The following KIF1C variants were observed in gnomAD, a reference collection of about 807,000 sequenced individuals.
The protein encoded by KIF1C is kinesin family member 1C, also known as kinesin-like protein KIF1C.
Under a neutral mutation model 126.5 loss-of-function variants are expected in KIF1C, and 61 were observed. The observed-to-expected ratio is 0.48, with a 90% CI of 0.39 to 0.60. KIF1C has a LOEUF of 0.60. KIF1C is among the 20% of genes least tolerant of loss of function. The probability of loss-of-function intolerance (pLI) is 0.00; values close to 1 mark genes in which losing one functional copy is unlikely to be tolerated. For synonymous variants in KIF1C, 640 were observed against 580.6 expected (o/e 1.10, Z -1.47); for missense variants, 1,315 against 1,489.2 (o/e 0.88, Z 1.93).
At position 5,020,226 on chromosome 17, in the gene KIF1C, A is replaced by ACTT; in HGVS notation, c.1750+147_1750+148insCTT. Reference sequence around the variant, plus strand: ...ATATAAAGAAGGAACTGGGAAGTGAAGGTCAAGGAGTCAGGTCTTGGTTTC... The same window carrying ACTT: ...ATATAAAGAAGGAACTGGGAAGTGAACTTGGTCAAGGAGTCAGGTCTTGGTTTC... On this transcript the variant is annotated intron_variant, in intron 19 of 22. Coordinates refer to ENST00000320785, the MANE Select transcript of KIF1C (RefSeq NM_006612.6). This position sits in a 1 kb window ranked among gnomAD's most constrained non-coding sequence, Gnocchi z 5.8. 1 of 722,764 alleles carries ACTT rather than the reference A, an allele frequency of 1.4e-6. No individual in the cohort carries two copies. The highest frequency in any genetic ancestry group is 2.4e-6 in the Non-Finnish European group (1 of 413,722). 44.8% of individuals were successfully genotyped at this position (722,764 alleles called of 1,614,324 possible). A position where few individuals can be genotyped will look rare whatever the true frequency, so the allele number is the denominator to read the frequency against.
In KIF1C at chr17:5,022,265, C is replaced by T; in HGVS notation, c.2184C>T (p.Ile728=). 6.2e-7 allele frequency: 1 copy of T among 1,614,102 alleles called. No individual in the cohort carries two copies. The highest frequency in any genetic ancestry group is 8.5e-7 in the Non-Finnish European group (1 of 1,180,022). The change falls in exon 22 of 23, where the codon ATC becomes ATT. Residue 728 remains isoleucine (I), a synonymous_variant. Transcript: ENST00000320785. This position sits in a 1 kb window ranked among gnomAD's most constrained non-coding sequence, Gnocchi z 4.9. ...KRRAPRRVYQ[I]PQRRRLQGKD... is the part of the protein sequence containing the mutation. ...GGGCCCCTCGCAGGGTTTATCAGAT[C>T]CCCCAGCGACGCAGGCTGCAGGGCA... is the stretch of plus-strand genomic sequence containing the variant.
chr17:5,021,285 G>C lies in KIF1C; in HGVS notation c.2010+407G>C, dbSNP rs545476641. Reference sequence around the variant, plus strand: ...CCTCCTGGGTTCAAGCGATTCTCATGCCTCAGCCTCCCCAGTAGCTGGGAT... The same window carrying C: ...CCTCCTGGGTTCAAGCGATTCTCATCCCTCAGCCTCCCCAGTAGCTGGGAT... On this transcript the variant is annotated intron_variant, in intron 21 of 22. Transcript: ENST00000320785. Among the ~76,000 whole-genome samples the C allele has an allele frequency of 1.5e-3, 220 of 142,790 alleles. 1 individual carries two copies. The highest frequency in any genetic ancestry group is 5.4e-3 in the African/African-American group (209 of 38,624). The allele number at this position is 142,790 out of a possible 152,430, so 93.7% of individuals were successfully genotyped here. A position where few individuals can be genotyped will look rare whatever the true frequency, so the allele number is the denominator to read the frequency against.
At position 5,002,539 on chromosome 17, in the gene KIF1C, C is replaced by T. The variant is rs587777198; in HGVS notation, c.505C>T (p.Arg169Trp). ...CAAGAGTCGGGGTTCTCTGCGGGTC[C>T]GGGAGCACCCCATCCTGGGCCCGTA... ...NPKSRGSLRV[R>W]EHPILGPYVQ... The change falls in exon 7 of 23, where the codon CGG (arginine) becomes TGG (tryptophan). Residue 169 changes from arginine (R) to tryptophan (W), a missense_variant. Around this residue, in one of 2 missense-constraint regions of KIF1C, gnomAD observed 874 missense variants for 1,053.2 expected, o/e 0.83. Transcript: ENST00000320785. 3.7e-6 allele frequency: 6 copies of T among 1,613,882 alleles called. No homozygotes were observed. Among genetic ancestry groups the T allele is most frequent in the South Asian group, 1.1e-5 (1 of 91,084 alleles).
At chr17:5,007,399 G>C in intron 15 of KIF1C, 57 bp downstream of exon 15, 1 of 1,609,910 alleles carries the variant, frequency 6.2e-7, no homozygotes, top group Non-Finnish European at 8.5e-7. Context: ...GGGGAGGTCA[G>C]GCCCCACAGG....
intron 16 of KIF1C, among the ~76,000 whole-genome samples, chr17:5,010,391 T>C (rs1974835261): frequency 6.6e-6 from 1 of 152,198 alleles, no homozygotes. Context: ...GTCTTACAAA[T>C]GGGTGTTATC....
chr17:5,006,818 A>G lies in KIF1C; in HGVS notation c.1166-97A>G, dbSNP rs1364064108. 5 of 1,283,414 alleles carry G rather than the reference A, an allele frequency of 3.9e-6. No homozygotes were observed. In the African/African-American group the frequency reaches 4.5e-5, roughly 12 times the overall value. 79.5% of individuals were successfully genotyped at this position (1,283,414 alleles called of 1,614,324 possible). ...TGACCAGCAGTCTTCTGTAGTCCTT[A>G]CAGACTGGTCCTCTGTGAAGCTCTT... On this transcript the variant is annotated intron_variant, in intron 13 of 22. Coordinates refer to ENST00000320785, the MANE Select transcript of KIF1C (RefSeq NM_006612.6).
At position 5,001,214 on chromosome 17, in the gene KIF1C, T is replaced by C. The variant is rs192384276; in HGVS notation, c.184-8T>C. The C allele has an allele frequency of 1.5e-4, 246 of 1,613,428 alleles. 1 individual carries two copies. The East Asian group carries it at 5.2e-3, about 34-fold the overall frequency. ...ACTCTGTTTTTCTCTGCCCCCACTTTCTCCTAGACGGAGGACCCCCAGTTT... is the reference window on the plus strand; with the variant it reads ...ACTCTGTTTTTCTCTGCCCCCACTTCCTCCTAGACGGAGGACCCCCAGTTT... On this transcript the variant is annotated splice_polypyrimidine_tract_variant and splice_region_variant and intron_variant, in intron 4 of 22. Transcript: ENST00000320785.
At chr17:5,001,154 G>A in intron 4 of KIF1C, 68 bp from the exon 5 acceptor site, 1 of 1,503,152 alleles carries the variant, frequency 6.7e-7, no homozygotes, top group Non-Finnish European at 9.2e-7. Context: ...AAGACTCTTG[G>A]GACAGAGACA....
rs1597866696 is a variant in KIF1C, at chr17:5,024,303, G to C, written c.*152G>C. ...GGTGATAGAAGACAAGGGGGAGACC[G>C]AGCCGGAGGCTGAGGAAAGGAAGAG... On this transcript the variant is annotated 3_prime_UTR_variant, in exon 23 of 23. Coordinates refer to ENST00000320785, the MANE Select transcript of KIF1C (RefSeq NM_006612.6). 1 of 574,768 alleles carries C rather than the reference G, an allele frequency of 1.7e-6. No homozygotes were observed. Among genetic ancestry groups the C allele is most frequent in the East Asian group, 3.2e-5 (1 of 30,808 alleles). The allele number at this position is 574,768 out of a possible 1,614,324, so 35.6% of individuals were successfully genotyped here.
At chr17:5,016,892 T>C (rs993291531) in intron 18 of KIF1C, among the ~76,000 whole-genome samples, 2 of 140,514 alleles carry the variant, frequency 1.4e-5, no homozygotes, top group African/African-American at 5.4e-5. Context: ...GGTGACAGAG[T>C]GAGACTGTTT....
intron 3 of KIF1C, 144 bp from the exon 4 acceptor site, chr17:5,000,628 G>C: frequency 2.5e-6 from 2 of 796,348 alleles, no homozygotes; most frequent in Non-Finnish European, 2.1e-6. Flanking sequence ...GGCTGGAGGG[G>C]GTGGGGAATG....
intron 5 of KIF1C, 149 bp from the exon 6 acceptor site, chr17:5,001,910 T>A: frequency 1.4e-6 from 1 of 690,970 alleles, no homozygotes; most frequent in Non-Finnish European, 2.5e-6. Flanking sequence ...TGAGGTTGTT[T>A]TCCCATCTGT....
At position 5,003,618 on chromosome 17, in the gene KIF1C, A is replaced by G. The variant is rs917561706; in HGVS notation, c.727A>G (p.Lys243Glu). ...CTGTTTCCTCTGACCCCAGGTCAGT[A>G]AGATCAGTTTGGTGGACCTTGCTGG... ...LTGLDSEKVS[K>E]ISLVDLAGSE... is the part of the protein sequence containing the mutation. Residue 243 changes from lysine (K) to glutamate (E), a missense_variant, in exon 9 of 23, where the codon AAG (lysine) becomes GAG (glutamate). By Grantham distance (56) the Lys-to-Glu change is moderately conservative. This residue lies in a region of KIF1C where 874 missense variants were observed against 1,053.2 expected (regional missense o/e 0.83). Transcript: ENST00000320785. 5 of 1,612,116 alleles carry G rather than the reference A, an allele frequency of 3.1e-6. No individual in the cohort carries two copies. In the African/African-American group the frequency reaches 6.7e-5, roughly 22 times the overall value.
chr17:5,021,283 A>C (rs1028664994), intron 21 of KIF1C, among the ~76,000 whole-genome samples: 2 of 142,102 alleles, frequency 1.4e-5, no homozygotes, highest in African/African-American at 5.3e-5. Flanking sequence ...AGCGATTCTC[A>C]TGCCTCAGCC....
chr17:5,010,615 C>T (rs1041702951), intron 16 of KIF1C, among the ~76,000 whole-genome samples: 16 of 150,518 alleles, frequency 1.1e-4, no homozygotes, highest in South Asian at 4.3e-4. Context: ...GGCGTGGTGG[C>T]GGGCACCTGT....
intron 18 of KIF1C, among the ~76,000 whole-genome samples, chr17:5,017,592 C>T (rs1393452520): frequency 2.6e-5 from 4 of 152,132 alleles, no homozygotes; most frequent in East Asian, 1.9e-4. Context: ...GCGTGAGCCA[C>T]GCGCCCAGCC....
Position 5,025,289 on chromosome 17 carries a change from CT to C in KIF1C, c.*1139del, listed in dbSNP as rs1192903810. 1 of 152,318 alleles carries C rather than the reference CT, an allele frequency of 6.6e-6. No individual in the cohort carries two copies. The highest frequency in any genetic ancestry group is 1.5e-5 in the Non-Finnish European group (1 of 68,126). The allele number at this position is 152,318 out of a possible 1,614,324, so 9.4% of individuals were successfully genotyped here. On this transcript the variant is annotated 3_prime_UTR_variant, in exon 23 of 23. Coordinates refer to ENST00000320785, the MANE Select transcript of KIF1C (RefSeq NM_006612.6). The stretch of plus-strand genomic sequence containing the variant: ...GAGGGGAGGTAGAGGGACCGCCAGC[CT>C]GTCAATGCTTAACTGGCTGTTGCTG...
rs765582742 is a variant in KIF1C at position 5,023,686 on chromosome 17, G to T, written c.2847G>T (p.Leu949=). 2.7e-5 allele frequency: 43 copies of T among 1,597,920 alleles called. No individual in the cohort carries two copies. The Admixed American group carries it at 7.3e-4, about 27-fold the overall frequency. ...LRWLKQEQLR[L]QGLQGSGGRG... is the part of the protein sequence containing the mutation. ...GGCTCAAGCAGGAGCAGCTACGGCT[G>T]CAGGGACTGCAGGGCTCTGGGGGCC... Residue 949 remains leucine (L), a synonymous_variant, in exon 23 of 23, where the codon CTG becomes CTT. Transcript: ENST00000320785. This position sits in a 1 kb window ranked among gnomAD's most constrained non-coding sequence, Gnocchi z 4.2.
chr17:4,998,475 C>G (rs1974453101), intron 1 of KIF1C, among the ~76,000 whole-genome samples: 1 of 152,172 alleles, frequency 6.6e-6, no homozygotes, highest in Non-Finnish European at 1.5e-5. Context: ...TCCTTGTACC[C>G]CACGGCTCCT....
Sources: allele counts gnomAD v4.1 joint callset (sites outside exome capture counted in the v4.1 genomes callset), GRCh38; gene constraint gnomAD v4.1.1; regional missense constraint gnomAD v4.1.1; non-coding constraint Gnocchi (gnomAD v3.1); transcripts MANE v1.5; gene names NCBI Gene and HGNC (gene_info 2026-07-23, HGNC 2026-07-21).